The following ATF7IP variants were observed in gnomAD, a reference collection of about 807,000 sequenced individuals.
The protein encoded by ATF7IP is activating transcription factor 7 interacting protein.
Under a neutral mutation model 106.4 loss-of-function variants are expected in ATF7IP, and 23 were observed. That is an observed-to-expected ratio of 0.22 (90% CI 0.16 to 0.31). ATF7IP has a LOEUF of 0.31. Among genes scored for constraint, ATF7IP ranks in the 10% least tolerant of loss-of-function variants. The probability of loss-of-function intolerance (pLI) is 1.00; values close to 1 mark genes in which losing one functional copy is unlikely to be tolerated. For missense variants in ATF7IP, 1,334 were observed against 1,524.3 expected (o/e 0.88, Z 2.08); for synonymous variants, 542 against 539.0 (o/e 1.01, Z -0.08).
At chr12:14,450,831 C>T (rs1943174526) in intron 6 of ATF7IP, among the ~76,000 whole-genome samples, 1 of 151,946 alleles carries the variant, frequency 6.6e-6, no homozygotes, top group African/African-American at 2.4e-5. Flanking sequence ...AACAGAGTCT[C>T]ACTCTGTCAT....
intron 10 of ATF7IP, among the ~76,000 whole-genome samples, chr12:14,474,465 A>G (rs1296944682): frequency 6.6e-6 from 1 of 151,220 alleles, no homozygotes; most frequent in East Asian, 1.9e-4. Flanking sequence ...CAGTCGCGCA[A>G]TCTCAGCTCA....
intron 1 of ATF7IP, among the ~76,000 whole-genome samples, chr12:14,417,671 T>TAAA (rs1941273647): frequency 1.3e-5 from 2 of 152,184 alleles, no homozygotes; most frequent in Non-Finnish European, 2.9e-5. Flanking sequence ...TCATGGATAT[T>TAAA]TATTAAAGCA....
intron 6 of ATF7IP, among the ~76,000 whole-genome samples, chr12:14,448,303 C>T (rs1385274076): frequency 6.6e-6 from 1 of 152,148 alleles, no homozygotes; most frequent in Non-Finnish European, 1.5e-5. Context: ...AGTACAGTAT[C>T]AAAGTGAAGA....
chr12:14,434,969 T>G (rs1037169068), intron 3 of ATF7IP, among the ~76,000 whole-genome samples: 1 of 152,056 alleles, frequency 6.6e-6, no homozygotes, highest in Non-Finnish European at 1.5e-5. Context: ...ACACCTGTAG[T>G]CCCAGCTACT....
intron 6 of ATF7IP, among the ~76,000 whole-genome samples, chr12:14,453,393 G>C (rs1418966062): frequency 1.3e-5 from 2 of 151,772 alleles, no homozygotes; most frequent in Non-Finnish European, 2.9e-5. Flanking sequence ...TGCTCCTCTG[G>C]CTTGATAATT....
intron 1 of ATF7IP, among the ~76,000 whole-genome samples, chr12:14,370,866 T>C (rs902468969): frequency 3.3e-5 from 5 of 152,028 alleles, no homozygotes; most frequent in Non-Finnish European, 7.4e-5. Flanking sequence ...TTGTACAATA[T>C]TCGAAATCAA....
At chr12:14,491,471 A>G (rs1029249502) in intron 13 of ATF7IP, among the ~76,000 whole-genome samples, 6 of 152,182 alleles carry the variant, frequency 3.9e-5, no homozygotes, top group African/African-American at 7.2e-5. Context: ...CTGGCACACA[A>G]ATCTCTCACC....
intron 1 of ATF7IP, chr12:14,423,655 GA>G (rs139010573): frequency 1.2e-4 from 23 of 196,788 alleles, no homozygotes; most frequent in East Asian, 4.0e-4. Flanking sequence ...TTCCATATTG[GA>G]AAAAAAAACT....
Position 14,440,239 on chromosome 12 carries a change from A to G in ATF7IP, c.1929+1972A>G, listed in dbSNP as rs11055973. Among the ~76,000 whole-genome samples the G allele has an allele frequency of 7.0e-3, 1,066 of 152,194 alleles. 47 individuals carry two copies. The East Asian group carries it at 0.13, about 18-fold the overall frequency. On this transcript the variant is annotated intron_variant, in intron 5 of 14. Transcript: ENST00000261168. ...CTTTTCATTAGGCCATCATTACCCAATTCCTTGATTATAGTAACACCTTTT... is the reference window on the plus strand; with the variant it reads ...CTTTTCATTAGGCCATCATTACCCAGTTCCTTGATTATAGTAACACCTTTT...
Position 14,424,533 on chromosome 12 carries a change from T to C in ATF7IP, c.618T>C (p.Ser206=). 6.2e-7 allele frequency: 1 copy of C among 1,614,208 alleles called. No individual in the cohort carries two copies. Among genetic ancestry groups the C allele is most frequent in the South Asian group, 1.1e-5 (1 of 91,088 alleles). Residue 206 remains serine (S), a synonymous_variant, in exon 2 of 15, where the codon TCT becomes TCC. Transcript: ENST00000261168. The part of the protein sequence containing the change: ...ADDLSSGDPT[S]SDPIPGEPVP... ...ATCTCTCCTCTGGTGATCCCACCTC[T>C]AGTGATCCCATCCCAGGTGAACCGG...
intron 1 of ATF7IP, among the ~76,000 whole-genome samples, chr12:14,402,990 C>A (rs1591797557): frequency 1.3e-5 from 2 of 152,028 alleles, no homozygotes; most frequent in East Asian, 3.9e-4. Flanking sequence ...AGTATGCATA[C>A]CCTTTGTTTT....
chr12:14,426,863 A>G (rs917891251), intron 2 of ATF7IP, among the ~76,000 whole-genome samples: 3 of 120,678 alleles, frequency 2.5e-5, no homozygotes, highest in African/African-American at 8.9e-5. Context: ...ATGGCTTTTT[A>G]TTTTCAAAGA....
chr12:14,488,265 A>G (rs1205579295), intron 13 of ATF7IP, among the ~76,000 whole-genome samples: 1 of 152,090 alleles, frequency 6.6e-6, no homozygotes, highest in Non-Finnish European at 1.5e-5. Flanking sequence ...TCTATAGTAT[A>G]AAGAGTAGTT....
intron 1 of ATF7IP, among the ~76,000 whole-genome samples, chr12:14,397,964 A>G (rs1397929903): frequency 2.0e-5 from 3 of 152,112 alleles, no homozygotes; most frequent in Non-Finnish European, 4.4e-5. Flanking sequence ...AAGTTAAAAT[A>G]CCTCAGTCTT....
At chr12:14,417,227 C>T (rs1431088496) in intron 1 of ATF7IP, among the ~76,000 whole-genome samples, 1 of 152,110 alleles carries the variant, frequency 6.6e-6, no homozygotes, top group Non-Finnish European at 1.5e-5. Context: ...CCTTTTGTAA[C>T]TTGCTGCGAA....
At chr12:14,371,540 C>A (rs1361531559) in intron 1 of ATF7IP, among the ~76,000 whole-genome samples, 1 of 151,958 alleles carries the variant, frequency 6.6e-6, no homozygotes, top group African/African-American at 2.4e-5. Context: ...AGAAGTGCTA[C>A]TTGAGAAATG....
At chr12:14,423,436 CTAAG>C (rs755421500) in intron 1 of ATF7IP, among the ~76,000 whole-genome samples, 1 of 151,988 alleles carries the variant, frequency 6.6e-6, no homozygotes, top group Non-Finnish European at 1.5e-5. Context: ...TTCTGCCAAT[CTAAG>C]TATGCTTGGT....
chr12:14,366,046 A>G (rs1938275050), intron 1 of ATF7IP, among the ~76,000 whole-genome samples: 1 of 152,144 alleles, frequency 6.6e-6, no homozygotes, highest in African/African-American at 2.4e-5. Flanking sequence ...CAAGCGCAAT[A>G]TTCATTTTCA....
Position 14,481,007 on chromosome 12 carries a change from A to G in ATF7IP, c.3102A>G (p.Pro1034=). Residue 1034 remains proline (P), a synonymous_variant, in exon 13 of 15, where the codon CCA becomes CCG. Transcript: ENST00000261168. ...TCTTTTTCTGCCTTGCATTAGCTCCAACTACCGTGAATGTAACACATCGTC... is the reference window on the plus strand; with the variant it reads ...TCTTTTTCTGCCTTGCATTAGCTCCGACTACCGTGAATGTAACACATCGTC... ...QTTIHLLPTA[P]TTVNVTHRPV... is the part of the protein sequence containing the mutation. 1 of 1,613,650 alleles carries G rather than the reference A, an allele frequency of 6.2e-7. No individual in the cohort carries two copies. The highest frequency in any genetic ancestry group is 8.5e-7 in the Non-Finnish European group (1 of 1,179,834).
Sources: allele counts gnomAD v4.1 joint callset (sites outside exome capture counted in the v4.1 genomes callset), GRCh38; gene constraint gnomAD v4.1.1; transcripts MANE v1.5; gene names NCBI Gene and HGNC (gene_info 2026-07-23, HGNC 2026-07-21).